Variants in CCDC102B observed in about 807,000 individuals in gnomAD.
CCDC102B encodes coiled-coil domain-containing protein 102B.
In CCDC102B, 75 loss-of-function variants were observed where a neutral mutation model predicts 57.4. That is an observed-to-expected ratio of 1.31 (90% CI 1.08 to 1.58). The LOEUF (loss-of-function observed/expected upper bound fraction) is 1.58. Among genes scored for constraint, CCDC102B ranks in the 40% most tolerant of loss-of-function variants. CCDC102B has a pLI of 0.00. For synonymous variants in CCDC102B, 206 were observed against 201.9 expected (o/e 1.02, Z -0.17); for missense variants, 636 against 582.6 (o/e 1.09, Z -0.94).
chr18:68,940,956 G>A (rs963632300), intron 6 of CCDC102B, among the ~76,000 whole-genome samples: 2 of 151,790 alleles, frequency 1.3e-5, no homozygotes, highest in Admixed American at 6.6e-5. Flanking sequence ...GTTAATGATT[G>A]ATCTAAGTCA....
intron 6 of CCDC102B, among the ~76,000 whole-genome samples, chr18:68,956,823 C>G (rs928722616): frequency 1.3e-5 from 2 of 150,696 alleles, no homozygotes; most frequent in African/African-American, 4.9e-5. Context: ...GCCATTTTAA[C>G]TGGAGGTAAG....
At chr18:68,923,907 G>A (rs1362414223) in intron 6 of CCDC102B, among the ~76,000 whole-genome samples, 1 of 152,044 alleles carries the variant, frequency 6.6e-6, no homozygotes, top group Non-Finnish European at 1.5e-5. Context: ...CTATGCAAGG[G>A]ATCTGTGGCC....
At chr18:68,839,068 A>G in intron 3 of CCDC102B, 142 bp downstream of exon 3, 1 of 696,852 alleles carries the variant, frequency 1.4e-6, no homozygotes, top group Non-Finnish European at 2.5e-6. Flanking sequence ...AATTAGTTTG[A>G]TATATATTCA....
intron 2 of CCDC102B, among the ~76,000 whole-genome samples, chr18:68,729,864 CTAAG>C (rs1345552465): frequency 6.6e-6 from 1 of 152,018 alleles, no homozygotes; most frequent in Non-Finnish European, 1.5e-5. Flanking sequence ...TTATGTGCAA[CTAAG>C]TAACTACTAT....
chr18:68,813,197 C>G (rs1331119360), intron 1 of CCDC102B, among the ~76,000 whole-genome samples: 1 of 152,112 alleles, frequency 6.6e-6, no homozygotes, highest in East Asian at 1.9e-4. Flanking sequence ...CTCTCTCTCT[C>G]TCTCTGTCTC....
intron 2 of CCDC102B, among the ~76,000 whole-genome samples, chr18:68,764,980 G>A (rs536703379): frequency 5.2e-4 from 79 of 151,578 alleles, no homozygotes; most frequent in Middle Eastern, 3.4e-3. Context: ...CCAGGAGTTC[G>A]AGGCTGCAGT....
intron 2 of CCDC102B, among the ~76,000 whole-genome samples, chr18:68,745,255 T>G (rs1183592499): frequency 1.3e-5 from 2 of 152,026 alleles, no homozygotes; most frequent in African/African-American, 2.4e-5. Flanking sequence ...CTGTTTCAGC[T>G]GCCCATGTTA....
At chr18:68,877,613 T>A (rs908661269) in intron 5 of CCDC102B, among the ~76,000 whole-genome samples, 2 of 152,220 alleles carry the variant, frequency 1.3e-5, no homozygotes, top group African/African-American at 4.8e-5. Context: ...TTGCTAACAC[T>A]CTTACAGTTG....
In CCDC102B at chr18:68,773,838, A is replaced by C. The variant is rs191528628; in HGVS notation, c.-66-49528A>C. Among the ~76,000 whole-genome samples the C allele has an allele frequency of 4.0e-3, 615 of 152,092 alleles. 6 individuals carry two copies. Among genetic ancestry groups the C allele is most frequent in the Non-Finnish European group, 2.8e-3 (193 of 67,874 alleles). On this transcript the variant is annotated intron_variant, in intron 2 of 3. Coordinates refer to the CCDC102B transcript ENST00000578970. The stretch of plus-strand genomic sequence containing the variant: ...GTATGACTGATTTCTTGAACAATGA[A>C]AACAATAATAACACCATGAAATAGT...
chr18:68,801,120 C>A (rs2035835453), intron 1 of CCDC102B, among the ~76,000 whole-genome samples: 1 of 152,066 alleles, frequency 6.6e-6, no homozygotes, highest in African/African-American at 2.4e-5. Flanking sequence ...GAAGGAGTAT[C>A]TTTTTGCCGT....
chr18:69,050,578 C>T (rs2145496804), intron 7 of CCDC102B, among the ~76,000 whole-genome samples: 1 of 152,264 alleles, frequency 6.6e-6, no homozygotes, highest in Non-Finnish European at 1.5e-5. Flanking sequence ...ATGCTAAATG[C>T]TTCATGTCCA....
chr18:68,862,986 GACTT>G (rs745557899), intron 4 of CCDC102B, among the ~76,000 whole-genome samples: 4 of 151,670 alleles, frequency 2.6e-5, no homozygotes, highest in Non-Finnish European at 5.9e-5. Context: ...AAAACATAGA[GACTT>G]ACTTATCACT....
chr18:68,739,012 T>TA (rs2033269992), intron 2 of CCDC102B, among the ~76,000 whole-genome samples: 1 of 151,566 alleles, frequency 6.6e-6, no homozygotes, highest in Non-Finnish European at 1.5e-5. Context: ...TTTTTTTTTT[T>TA]AGACCAGGTC....
intron 6 of CCDC102B, among the ~76,000 whole-genome samples, chr18:68,911,829 A>C (rs1352656720): frequency 1.3e-5 from 2 of 150,668 alleles, no homozygotes; most frequent in Admixed American, 6.6e-5. Flanking sequence ...GTGATCAAAT[A>C]ATTTGTACAG....
At chr18:68,948,926 G>A (rs1022220601) in intron 6 of CCDC102B, among the ~76,000 whole-genome samples, 3 of 151,940 alleles carry the variant, frequency 2.0e-5, no homozygotes, top group African/African-American at 4.8e-5. Flanking sequence ...TAACTTACAC[G>A]ATCACAAGGT....
intron 6 of CCDC102B, among the ~76,000 whole-genome samples, chr18:68,987,556 G>T (rs1035294179): frequency 9.2e-5 from 14 of 151,978 alleles, no homozygotes; most frequent in African/African-American, 3.1e-4. Context: ...ATTGACAGTG[G>T]GACCTAATTA....
chr18:68,918,476 A>C (rs1270493180), intron 6 of CCDC102B, among the ~76,000 whole-genome samples: 3 of 152,218 alleles, frequency 2.0e-5, no homozygotes, highest in African/African-American at 7.2e-5. Context: ...TAGTATGGCC[A>C]AGCAACTGCA....
chr18:68,981,949 C>A (rs1439312347), intron 6 of CCDC102B, among the ~76,000 whole-genome samples: 1 of 151,578 alleles, frequency 6.6e-6, no homozygotes, highest in Non-Finnish European at 1.5e-5. Context: ...CATAGTATTC[C>A]ATGTTGTACT....
At chr18:68,809,515 T>G (rs377420508) in intron 1 of CCDC102B, among the ~76,000 whole-genome samples, 1 of 152,216 alleles carries the variant, frequency 6.6e-6, no homozygotes, top group Non-Finnish European at 1.5e-5. Context: ...ACTCAATTTT[T>G]GTTCTATTAA....
Sources: gnomAD v4.1 joint callset for allele counts (sites outside exome capture counted in the v4.1 genomes callset) on GRCh38, gnomAD v4.1.1 for gene constraint, MANE v1.5 for transcripts, NCBI Gene and HGNC (gene_info 2026-07-23, HGNC 2026-07-21) for gene names.